The following CCDC92B variants were observed in gnomAD, a reference collection of about 807,000 sequenced individuals.
The protein encoded by CCDC92B is coiled-coil domain containing 92B, also known as coiled-coil domain-containing 92B.
Under a neutral mutation model 5.6 loss-of-function variants are expected in CCDC92B, and 2 were observed. That is an observed-to-expected ratio of 0.36 (90% confidence interval 0.15 to 1.12). The LOEUF (loss-of-function observed/expected upper bound fraction) is 1.12. Among genes scored for constraint, CCDC92B ranks in the 50% most tolerant of loss-of-function variants. The pLI, the probability that CCDC92B is intolerant of heterozygous loss-of-function variation, is 0.40. For missense variants in CCDC92B, 271 were observed against 262.2 expected (o/e 1.03, Z -0.23); for synonymous variants, 115 against 122.3 (o/e 0.94, Z 0.39).
intron 2 of CCDC92B, among the ~76,000 whole-genome samples, chr17:2,732,873 C>T (rs1377303054): frequency 5.3e-5 from 8 of 151,354 alleles, no homozygotes; most frequent in African/African-American, 1.5e-4. Context: ...ATTAGCCGGG[C>T]GTGTTGGCAG....
intron 3 of CCDC92B, among the ~76,000 whole-genome samples, chr17:2,725,790 G>A (rs7221868): frequency 0.081 from 12,328 of 151,758 alleles, 1,116 homozygotes; most frequent in African/African-American, 0.22. Flanking sequence ...CATCAGGGAA[G>A]TCTTCCCAGC....
At chr17:2,733,216 A>G (rs890943372) in intron 2 of CCDC92B, among the ~76,000 whole-genome samples, 1 of 151,334 alleles carries the variant, frequency 6.6e-6, no homozygotes, top group African/African-American at 2.4e-5. Flanking sequence ...CAAAACAGAA[A>G]GAAATGACAG....
At chr17:2,736,426 CTAAA>C (rs1567615571) in intron 1 of CCDC92B, among the ~76,000 whole-genome samples, 1 of 151,292 alleles carries the variant, frequency 6.6e-6, no homozygotes, top group Non-Finnish European at 1.5e-5. Flanking sequence ...GACTCTGTCT[CTAAA>C]TAAATAAATT....
chr17:2,743,808 C>G (rs1567618934), intron 1 of CCDC92B, among the ~76,000 whole-genome samples: 1 of 152,202 alleles, frequency 6.6e-6, no homozygotes. Flanking sequence ...TCTGCATTCC[C>G]TTAATCTGCA....
intron 1 of CCDC92B, among the ~76,000 whole-genome samples, chr17:2,741,025 TAATA>T (rs2070921088): frequency 1.6e-5 from 2 of 126,804 alleles, no homozygotes; most frequent in South Asian, 5.2e-4. Context: ...CATTGTAAGA[TAATA>T]AATGTATGTT....
chr17:2,748,362 T>C, intron 1 of CCDC92B: 2 of 984,844 alleles, frequency 2.0e-6, no homozygotes, highest in South Asian at 9.4e-5. Context: ...CGCCTCTCTG[T>C]TCCCCAGGCA....
intron 1 of CCDC92B, among the ~76,000 whole-genome samples, chr17:2,745,839 C>T (rs2070979308): frequency 6.6e-6 from 1 of 152,200 alleles, no homozygotes; most frequent in Non-Finnish European, 1.5e-5. Context: ...CCTGAGTGAA[C>T]ACACTCGGGG....
intron 3 of CCDC92B, among the ~76,000 whole-genome samples, chr17:2,727,502 C>A (rs946464181): frequency 1.5e-4 from 23 of 151,898 alleles, no homozygotes; most frequent in South Asian, 8.3e-4. Flanking sequence ...AAAGAGTGAC[C>A]CTGGAAGGAT....
intron 1 of CCDC92B, among the ~76,000 whole-genome samples, chr17:2,744,975 G>T (rs1232023463): frequency 1.3e-5 from 2 of 149,968 alleles, no homozygotes; most frequent in African/African-American, 4.9e-5. Flanking sequence ...TGAGGTGGGA[G>T]GATTACTTGA....
chr17:2,746,322 T>C (rs1426278976), intron 1 of CCDC92B, among the ~76,000 whole-genome samples: 4 of 152,156 alleles, frequency 2.6e-5, no homozygotes, highest in Admixed American at 2.0e-4. Flanking sequence ...AATATTCATT[T>C]AAAAAAATTG....
intron 1 of CCDC92B, among the ~76,000 whole-genome samples, chr17:2,741,669 T>G (rs1366079993): frequency 3.5e-5 from 5 of 143,074 alleles, no homozygotes; most frequent in Non-Finnish European, 7.6e-5. Context: ...CTCGGCTCAC[T>G]GCAAGCTCTG....
intron 3 of CCDC92B, among the ~76,000 whole-genome samples, chr17:2,726,471 C>T (rs567471116): frequency 2.9e-4 from 44 of 151,712 alleles, no homozygotes; most frequent in Admixed American, 6.6e-4. Context: ...CATGAGCCAC[C>T]GCGCCCGGCT....
chr17:2,723,896 A>G lies in CCDC92B; in HGVS notation c.*515T>C, dbSNP rs2070688801. ...CTATCGGCAGGGTCAGGGTGGGGGT[A>G]GAAGGACCAGCCCCTAGCCTGGGCC... On this transcript the variant is annotated 3_prime_UTR_variant, in exon 4 of 4. Transcript: ENST00000614400. 1.0e-6 allele frequency: 1 copy of G among 977,846 alleles called. No individual in the cohort carries two copies. The highest frequency in any genetic ancestry group is 1.2e-6 in the Non-Finnish European group (1 of 823,830). 60.6% of individuals were successfully genotyped at this position (977,846 alleles called of 1,614,324 possible).
chr17:2,725,154 ACT>A (rs1567609972), intron 3 of CCDC92B, among the ~76,000 whole-genome samples, 154 bp from the exon 4 acceptor site: 2 of 151,980 alleles, frequency 1.3e-5, no homozygotes, highest in Non-Finnish European at 2.9e-5. Context: ...GGGCAGATGG[ACT>A]TGAGGTCAGG....
intron 2 of CCDC92B, among the ~76,000 whole-genome samples, 168 bp from the exon 3 acceptor site, chr17:2,730,661 T>G (rs2070784961): frequency 6.6e-6 from 1 of 151,288 alleles, no homozygotes; most frequent in Non-Finnish European, 1.5e-5. Context: ...ACCGCAACCC[T>G]GCAAGGGAAA....
intron 3 of CCDC92B, among the ~76,000 whole-genome samples, chr17:2,726,468 C>T (rs1251362474): frequency 8.6e-5 from 13 of 152,034 alleles, no homozygotes; most frequent in South Asian, 8.3e-4. Flanking sequence ...AGGCATGAGC[C>T]ACCGCGCCCG....
At chr17:2,727,519 C>T (rs1369138916) in intron 3 of CCDC92B, among the ~76,000 whole-genome samples, 1 of 152,080 alleles carries the variant, frequency 6.6e-6, no homozygotes, top group Admixed American at 6.6e-5. Context: ...GGATGAAAAT[C>T]ACCAAGTGAT....
chr17:2,733,643 G>A (rs895264577), intron 2 of CCDC92B, among the ~76,000 whole-genome samples: 3 of 151,734 alleles, frequency 2.0e-5, no homozygotes, highest in Non-Finnish European at 4.4e-5. Context: ...CCCCCAGGCT[G>A]GCCTCTGCTC....
chr17:2,724,965 C>T lies in CCDC92B; in HGVS notation c.214G>A (p.Ala72Thr), dbSNP rs1007521431. The T allele has an allele frequency of 3.0e-6, 3 of 985,420 alleles. No individual in the cohort carries two copies. The highest frequency in any genetic ancestry group is 6.1e-5 in the Admixed American group (1 of 16,262). 61.0% of individuals were successfully genotyped at this position (985,420 alleles called of 1,614,324 possible). The change falls in exon 4 of 4, where the codon GCG becomes ACG. Residue 72 changes from alanine to threonine, a missense_variant. By Grantham distance (58) the Ala-to-Thr change is moderately conservative. Transcript: ENST00000614400. The surrounding 1 kb of genome is among the most constrained non-coding windows in gnomAD (Gnocchi z 5.0). ...CGCGCCTCCAGCTGCGACTCCAGCG[C>T]GCGGCACTTGCTCTCCAGCTCCCGG... ...ASRELESKCR[A>T]LESQLEARAA...
Sources: gnomAD v4.1 joint callset for allele counts (sites outside exome capture counted in the v4.1 genomes callset) on GRCh38, gnomAD v4.1.1 for gene constraint, Gnocchi (gnomAD v3.1) non-coding constraint, MANE v1.5 for transcripts, NCBI Gene and HGNC (gene_info 2026-07-23, HGNC 2026-07-21) for gene names.